UBE2J1: variants seen among roughly 807,000 people sequenced by gnomAD.
UBE2J1 encodes ubiquitin-conjugating enzyme E2 J1.
In UBE2J1, 17 loss-of-function variants were observed where a neutral mutation model predicts 42.1. The observed-to-expected ratio is 0.40, with a 90% CI of 0.28 to 0.61. UBE2J1 has a LOEUF of 0.61. UBE2J1 is among the 20% of genes least tolerant of loss of function. UBE2J1 has a pLI of 0.38. For missense variants in UBE2J1, 291 were observed against 389.4 expected (o/e 0.75, Z 2.13); for synonymous variants, 127 against 137.2 (o/e 0.93, Z 0.52).
chr6:89,338,887 G>A (rs556109768), intron 3 of UBE2J1, among the ~76,000 whole-genome samples: 74 of 151,898 alleles, frequency 4.9e-4, no homozygotes, highest in Non-Finnish European at 7.2e-4. Flanking sequence ...GGATGGTCTC[G>A]ATATCCTGAC....
chr6:89,343,308 G>T (rs1051339216), intron 2 of UBE2J1, among the ~76,000 whole-genome samples: 1 of 151,942 alleles, frequency 6.6e-6, no homozygotes, highest in African/African-American at 2.4e-5. Context: ...GGTGGTGGGG[G>T]CCTGTAATCC....
Position 89,342,420 on chromosome 6 carries a change from C to A in UBE2J1, c.141G>T (p.Gly47=). 6.2e-7 allele frequency: 1 copy of A among 1,612,736 alleles called. No homozygotes were observed. The highest frequency in any genetic ancestry group is 8.5e-7 in the Non-Finnish European group (1 of 1,179,570). ...CTCCATCAAAATCGGAGTCTGGGGGCCCTCTAACCGTGAAGTGCCATTCAA... is the reference window on the plus strand; with the variant it reads ...CTCCATCAAAATCGGAGTCTGGGGGACCTCTAACCGTGAAGTGCCATTCAA... The part of the protein sequence containing the change: ...NLFEWHFTVR[G]PPDSDFDGGV... The change falls in exon 3 of 8, where the codon GGG becomes GGT. Residue 47 remains glycine (G), a synonymous_variant. Transcript: ENST00000435041.
At chr6:89,339,329 C>T (rs1768185160) in intron 3 of UBE2J1, among the ~76,000 whole-genome samples, 1 of 146,484 alleles carries the variant, frequency 6.8e-6, no homozygotes, top group African/African-American at 2.6e-5. Flanking sequence ...ACTTGGGAGG[C>T]TAAGACAGGA....
intron 1 of UBE2J1, among the ~76,000 whole-genome samples, 156 bp downstream of exon 1, chr6:89,352,383 G>A (rs1479106439): frequency 6.6e-6 from 1 of 152,204 alleles, no homozygotes; most frequent in East Asian, 1.9e-4. Context: ...CTCGCCCTGC[G>A]GCCTGTACTT....
intron 1 of UBE2J1, among the ~76,000 whole-genome samples, chr6:89,350,559 T>G (rs140021616): frequency 2.0e-5 from 3 of 151,766 alleles, no homozygotes; most frequent in Non-Finnish European, 2.9e-5. Flanking sequence ...ATTCACACAC[T>G]AACAAAAATA....
Position 89,333,186 on chromosome 6 carries a change from C to T in UBE2J1, c.578G>A (p.Gly193Glu), listed in dbSNP as rs374319811. 65 of 1,611,200 alleles carry T rather than the reference C, an allele frequency of 4.0e-5. No individual in the cohort carries two copies. In the African/African-American group the frequency reaches 8.3e-4, roughly 21 times the overall value. Residue 193 changes from glycine (G) to glutamate (E), a missense_variant, in exon 7 of 8, where the codon GGA (glycine) becomes GAA (glutamate). By Grantham distance (98) the Gly-to-Glu change is moderately conservative. Around this residue, in one of 2 missense-constraint regions of UBE2J1, gnomAD observed 176 missense variants for 196.3 expected, o/e 0.90. Coordinates refer to ENST00000435041, the MANE Select transcript of UBE2J1 (RefSeq NM_016021.3). The part of the protein sequence containing the change: ...ISFKAEVNSS[G>E]KTISESDLNH... Reference sequence around the variant, plus strand: ...TAAGTCTGACTCAGAGATAGTCTTTCCAGATGAATTGACTTCTGCCTATAA... The same window carrying T: ...TAAGTCTGACTCAGAGATAGTCTTTTCAGATGAATTGACTTCTGCCTATAA...
chr6:89,329,458 TAGTG>T lies in UBE2J1; in HGVS notation c.*217_*220del, dbSNP rs66491769. ...TTATTTCCCTGCAAAGCAGATCAAA[TAGTG>T]AGACAAGGAACTTTGACTTCTAGTC... On this transcript the variant is annotated 3_prime_UTR_variant, in exon 8 of 8. Coordinates refer to ENST00000435041, the MANE Select transcript of UBE2J1 (RefSeq NM_016021.3). 2,184 of 539,494 alleles carry T rather than the reference TAGTG, an allele frequency of 4.0e-3. 37 individuals carry two copies. Among genetic ancestry groups the T allele is most frequent in the African/African-American group, 0.038 (1,972 of 51,604 alleles). The allele number at this position is 539,494 out of a possible 1,614,324, so 33.4% of individuals were successfully genotyped here.
At chr6:89,338,664 T>G (rs1009081957) in intron 3 of UBE2J1, 121 bp from the exon 4 acceptor site, 24 of 264,506 alleles carry the variant, frequency 9.1e-5, no homozygotes, top group East Asian at 4.5e-4. Flanking sequence ...TTTGTTTTTT[T>G]TTTTTTTTTT....
chr6:89,351,219 C>T (rs1455850763), intron 1 of UBE2J1, among the ~76,000 whole-genome samples: 1 of 151,640 alleles, frequency 6.6e-6, no homozygotes, highest in Non-Finnish European at 1.5e-5. Flanking sequence ...GCTGGAACTA[C>T]AGGAGTGCGC....
At chr6:89,352,419 G>T in intron 1 of UBE2J1, 120 bp downstream of exon 1, 1 of 1,175,368 alleles carries the variant, frequency 8.5e-7, no homozygotes, top group Non-Finnish European at 1.2e-6. Flanking sequence ...GTCTCGCGTA[G>T]AGCGCGAAAC....
chr6:89,352,139 C>CAGTAAATAGA (rs1562428066), intron 1 of UBE2J1, among the ~76,000 whole-genome samples: 4 of 152,156 alleles, frequency 2.6e-5, no homozygotes, highest in Non-Finnish European at 5.9e-5. Flanking sequence ...AATCAGCCGG[C>CAGTAAATAGA]AGTAAATAGA....
chr6:89,344,243 C>T (rs557641130), intron 1 of UBE2J1, among the ~76,000 whole-genome samples: 1 of 152,180 alleles, frequency 6.6e-6, no homozygotes, highest in Non-Finnish European at 1.5e-5. Flanking sequence ...AAAATGTATT[C>T]TCTGGATCTC....
intron 6 of UBE2J1, among the ~76,000 whole-genome samples, chr6:89,334,107 G>A (rs1432427772): frequency 2.0e-5 from 3 of 151,734 alleles, no homozygotes; most frequent in East Asian, 3.9e-4. Context: ...AGGTTCAAGC[G>A]ATTCTCCTGA....
At chr6:89,343,151 C>T (rs111416055) in intron 2 of UBE2J1, among the ~76,000 whole-genome samples, 11 of 152,192 alleles carry the variant, frequency 7.2e-5, no homozygotes, top group African/African-American at 2.4e-4. Flanking sequence ...CAAGATCTAA[C>T]CTCGGCCGGG....
chr6:89,345,499 G>A (rs12660070), intron 1 of UBE2J1, among the ~76,000 whole-genome samples: 29,724 of 152,144 alleles, frequency 0.2, 3,414 homozygotes, highest in South Asian at 0.39. Flanking sequence ...CTACTCGGGA[G>A]GCTGAGGCAG....
At chr6:89,352,440 G>T in intron 1 of UBE2J1, 99 bp downstream of exon 1, 2 of 1,356,808 alleles carry the variant, frequency 1.5e-6, no homozygotes, top group Non-Finnish European at 2.0e-6. Flanking sequence ...CAGGAGCTGA[G>T]CCGCGAGTGG....
intron 1 of UBE2J1, among the ~76,000 whole-genome samples, 169 bp from the exon 2 acceptor site, chr6:89,343,925 C>G (rs1206912891): frequency 1.3e-5 from 2 of 152,030 alleles, no homozygotes; most frequent in Non-Finnish European, 2.9e-5. Flanking sequence ...AGGAAGGAAA[C>G]AGTTGCTAGG....
intron 3 of UBE2J1, among the ~76,000 whole-genome samples, chr6:89,340,188 A>C (rs1768217511): frequency 1.3e-5 from 2 of 152,204 alleles, no homozygotes; most frequent in Admixed American, 6.5e-5. Flanking sequence ...ATAAATACTT[A>C]TTGAATGAAA....
In UBE2J1 at chr6:89,342,474, C is replaced by A; in HGVS notation, c.106-19G>T. 1 of 1,574,124 alleles carries A rather than the reference C, an allele frequency of 6.4e-7. No homozygotes were observed. The highest frequency in any genetic ancestry group is 8.6e-7 in the Non-Finnish European group (1 of 1,165,484). ...GGTTATCCTGAACAAAAACAATAAT[C>A]CACAAGGAATTAATAATATTGAAAA... On this transcript the variant is annotated intron_variant, in intron 2 of 7. Coordinates refer to ENST00000435041, the MANE Select transcript of UBE2J1 (RefSeq NM_016021.3).
Sources: allele counts gnomAD v4.1 joint callset (sites outside exome capture counted in the v4.1 genomes callset), GRCh38; gene constraint gnomAD v4.1.1; regional missense constraint gnomAD v4.1.1; transcripts MANE v1.5; gene names NCBI Gene and HGNC (gene_info 2026-07-23, HGNC 2026-07-21).